KCNMB2: variants seen among roughly 807,000 people sequenced by gnomAD.
The protein encoded by KCNMB2 is calcium-activated potassium channel subunit beta-2.
Under a neutral mutation model 24.5 loss-of-function variants are expected in KCNMB2, and 9 were observed. That is an observed-to-expected ratio of 0.37 (90% CI 0.22 to 0.64). The LOEUF is 0.64. KCNMB2 is among the 30% of genes least tolerant of loss of function. The probability of loss-of-function intolerance (pLI) is 0.63; values close to 1 mark genes in which losing one functional copy is unlikely to be tolerated. For synonymous variants in KCNMB2, 109 were observed against 104.4 expected (o/e 1.04, Z -0.27); for missense variants, 226 against 284.3 (o/e 0.79, Z 1.47).
At chr3:178,772,490 CTCTTG>C (rs1376765498) in intron 1 of KCNMB2, among the ~76,000 whole-genome samples, 1 of 152,190 alleles carries the variant, frequency 6.6e-6, no homozygotes, top group Non-Finnish European at 1.5e-5. Flanking sequence ...TGCACAAGCT[CTCTTG>C]TCTTGTCTGC....
intron 1 of KCNMB2, among the ~76,000 whole-genome samples, chr3:178,729,983 G>T (rs1252643947): frequency 6.6e-6 from 1 of 152,130 alleles, no homozygotes; most frequent in Non-Finnish European, 1.5e-5. Context: ...AACTGAGATT[G>T]ACAAAATAGC....
intron 1 of KCNMB2, among the ~76,000 whole-genome samples, chr3:178,609,143 G>A (rs1342716174): frequency 3.3e-5 from 5 of 151,920 alleles, no homozygotes; most frequent in African/African-American, 7.3e-5. Context: ...CCACATCCTC[G>A]CCAGCATTTG....
intron 1 of KCNMB2, among the ~76,000 whole-genome samples, chr3:178,545,613 A>G (rs1054921928): frequency 1.3e-5 from 2 of 152,224 alleles, no homozygotes; most frequent in Non-Finnish European, 2.9e-5. Context: ...CTTGCTCGTG[A>G]GATAATTCTT....
At chr3:178,561,007 A>G (rs1716297667) in intron 1 of KCNMB2, among the ~76,000 whole-genome samples, 2 of 152,208 alleles carry the variant, frequency 1.3e-5, no homozygotes, top group African/African-American at 4.8e-5. Context: ...TCTGAGGCTA[A>G]AAGGCATGCC....
intron 1 of KCNMB2, among the ~76,000 whole-genome samples, chr3:178,804,606 T>C (rs886489159): frequency 1.3e-5 from 2 of 152,204 alleles, no homozygotes; most frequent in African/African-American, 4.8e-5. Flanking sequence ...AGAGCAAAGA[T>C]ACAATGCTGG....
At chr3:178,619,192 A>G (rs1290168859) in intron 1 of KCNMB2, among the ~76,000 whole-genome samples, 2 of 152,178 alleles carry the variant, frequency 1.3e-5, no homozygotes, top group Admixed American at 1.3e-4. Flanking sequence ...TAGGGGAAGG[A>G]GAGTGAGACT....
chr3:178,558,917 T>C (rs1268261884), intron 1 of KCNMB2: 2 of 152,228 alleles, frequency 1.3e-5, no homozygotes, highest in African/African-American at 2.4e-5. Flanking sequence ...CCCAGGGGCA[T>C]GTTGGAAAGA....
At chr3:178,563,322 A>T (rs1183427435) in intron 1 of KCNMB2, among the ~76,000 whole-genome samples, 2 of 152,262 alleles carry the variant, frequency 1.3e-5, no homozygotes, top group Non-Finnish European at 2.9e-5. Flanking sequence ...TCTATTAAAT[A>T]AAATGAAGTT....
chr3:178,631,201 C>T (rs1396029551), intron 1 of KCNMB2, among the ~76,000 whole-genome samples: 2 of 152,182 alleles, frequency 1.3e-5, no homozygotes, highest in Non-Finnish European at 2.9e-5. Flanking sequence ...TACTCACTAA[C>T]CAAACCTCTA....
chr3:178,569,861 T>C (rs994658703), intron 1 of KCNMB2, among the ~76,000 whole-genome samples: 2 of 152,204 alleles, frequency 1.3e-5, no homozygotes, highest in Non-Finnish European at 2.9e-5. Context: ...CATCTATGCC[T>C]CCTTCAACTT....
chr3:178,614,301 GTATATA>G (rs1294967816), intron 1 of KCNMB2, among the ~76,000 whole-genome samples: 28 of 57,988 alleles, frequency 4.8e-4, no homozygotes, highest in African/African-American at 1.4e-3. Flanking sequence ...ATATATGTAT[GTATATA>G]TATGTATGTG....
chr3:178,703,906 A>AGCAT (rs1722190564), intron 1 of KCNMB2, among the ~76,000 whole-genome samples: 1 of 152,230 alleles, frequency 6.6e-6, no homozygotes, highest in Non-Finnish European at 1.5e-5. Context: ...TTTAAATGAT[A>AGCAT]GCATAAAGTA....
chr3:178,749,533 G>C (rs575470523), intron 1 of KCNMB2, among the ~76,000 whole-genome samples: 1 of 152,316 alleles, frequency 6.6e-6, no homozygotes, highest in East Asian at 1.9e-4. Flanking sequence ...TCATAGTTGA[G>C]AGAGAAAATT....
chr3:178,765,004 T>C (rs532890897), intron 1 of KCNMB2, among the ~76,000 whole-genome samples: 3 of 152,304 alleles, frequency 2.0e-5, no homozygotes, highest in East Asian at 3.9e-4. Context: ...AGGAAAAATA[T>C]TGCATATTTA....
intron 1 of KCNMB2, among the ~76,000 whole-genome samples, chr3:178,762,088 T>C (rs1402670781): frequency 6.6e-6 from 1 of 152,114 alleles, no homozygotes; most frequent in African/African-American, 2.4e-5. Flanking sequence ...GGAGAATCAC[T>C]TGAACCCGGG....
intron 1 of KCNMB2, among the ~76,000 whole-genome samples, chr3:178,561,956 A>G (rs1716331560): frequency 6.6e-6 from 1 of 152,238 alleles, no homozygotes; most frequent in African/African-American, 2.4e-5. Flanking sequence ...GGCTTATTTA[A>G]AATTCAGTTA....
intron 1 of KCNMB2, among the ~76,000 whole-genome samples, chr3:178,792,272 A>G (rs530139709): frequency 6.6e-6 from 1 of 152,336 alleles, no homozygotes; most frequent in African/African-American, 2.4e-5. Flanking sequence ...TCAAATTTGT[A>G]TTAGTTTTCC....
intron 1 of KCNMB2, among the ~76,000 whole-genome samples, chr3:178,666,952 C>T (rs1720739736): frequency 6.6e-6 from 1 of 152,116 alleles, no homozygotes; most frequent in African/African-American, 2.4e-5. Context: ...TTGCACATAA[C>T]CTACACAAGT....
At chr3:178,780,060 A>T (rs867477391) in intron 1 of KCNMB2, among the ~76,000 whole-genome samples, 20,004 of 149,458 alleles carry the variant, frequency 0.13, 1,633 homozygotes, top group Non-Finnish European at 0.18. Flanking sequence ...TTTTAAAAAA[A>T]AAAAAAAAAA....
Sources: allele counts gnomAD v4.1 joint callset (sites outside exome capture counted in the v4.1 genomes callset), GRCh38; gene constraint gnomAD v4.1.1; transcripts MANE v1.5; gene names NCBI Gene and HGNC (gene_info 2026-07-23, HGNC 2026-07-21).